The following ITIH5 variants were observed in gnomAD, a reference collection of about 807,000 sequenced individuals.
The protein encoded by ITIH5 is inter-alpha-trypsin inhibitor heavy chain H5.
In ITIH5, 65 loss-of-function variants were observed where a neutral mutation model predicts 77.5. The ratio of observed to expected loss-of-function variants is 0.84; its 90% CI spans 0.69 to 1.03. The LOEUF (loss-of-function observed/expected upper bound fraction) is 1.03, where lower values mean the gene tolerates loss of function less well. Among genes scored for constraint, ITIH5 ranks in the 50% least tolerant of loss-of-function variants. The pLI is 0.00. For missense variants in ITIH5, 1,208 were observed against 1,213.1 expected (o/e 1.00, Z 0.06); for synonymous variants, 525 against 494.3 (o/e 1.06, Z -0.82).
chr10:7,616,414 T>C (rs572080623), intron 6 of ITIH5, among the ~76,000 whole-genome samples: 75 of 152,250 alleles, frequency 4.9e-4, no homozygotes, highest in African/African-American at 1.7e-3. Context: ...TTACCAAGCA[T>C]CTTACAAGTT....
intron 2 of ITIH5, among the ~76,000 whole-genome samples, chr10:7,650,437 T>C (rs1834079008): frequency 6.6e-6 from 1 of 152,146 alleles, no homozygotes; most frequent in Non-Finnish European, 1.5e-5. Flanking sequence ...TTCTCCTTTC[T>C]GAGAAAAACA....
chr10:7,594,820 G>A (rs1023534307), intron 7 of ITIH5, among the ~76,000 whole-genome samples: 19 of 152,266 alleles, frequency 1.2e-4, no homozygotes, highest in Admixed American at 2.0e-4. Context: ...GGAGAGTGGC[G>A]GATCAGGAAG....
intron 11 of ITIH5, chr10:7,572,697 T>G (rs1008699454): frequency 4.1e-6 from 1 of 244,950 alleles, no homozygotes; most frequent in African/African-American, 2.3e-5. Flanking sequence ...AGGCTCTGCC[T>G]CACACTGTGG....
chr10:7,634,100 A>G (rs2131068425), intron 5 of ITIH5, among the ~76,000 whole-genome samples: 1 of 151,700 alleles, frequency 6.6e-6, no homozygotes, highest in South Asian at 2.1e-4. Flanking sequence ...AAAAAAAAAA[A>G]AAAAAAAAAG....
intron 7 of ITIH5, among the ~76,000 whole-genome samples, chr10:7,586,616 G>T (rs11255209): frequency 6.6e-6 from 1 of 151,912 alleles, no homozygotes; most frequent in Non-Finnish European, 1.5e-5. Context: ...CTTCCTAACA[G>T]CTAGTGACAA....
chr10:7,587,160 G>C (rs1832696211), intron 7 of ITIH5, among the ~76,000 whole-genome samples: 1 of 152,164 alleles, frequency 6.6e-6, no homozygotes. Context: ...AAGGAAGGCA[G>C]TTTGAGCAAA....
At chr10:7,644,700 C>CATA (rs1233717363) in intron 2 of ITIH5, among the ~76,000 whole-genome samples, 7 of 111,004 alleles carry the variant, frequency 6.3e-5, no homozygotes, top group South Asian at 2.6e-4. Flanking sequence ...TATCACATAT[C>CATA]TATATCACAT....
chr10:7,587,708 T>C (rs1028395836), intron 7 of ITIH5, among the ~76,000 whole-genome samples: 1 of 152,230 alleles, frequency 6.6e-6, no homozygotes, highest in African/African-American at 2.4e-5. Flanking sequence ...TAGATGGGTT[T>C]GCTGTTACTT....
Position 7,637,323 on chromosome 10 carries a change from C to A in ITIH5, c.557G>T (p.Ser186Ile). Reference protein sequence around the residue: ...VRPQQLSGRLSVDVNILESAG... With the variant: ...VRPQQLSGRLIVDVNILESAG... ...GCTCTCCAGGATATTCACGTCCACG[C>A]TCAGCCTCCCGGACAGCTGCTGGGG... The change falls in exon 5 of 14, where the codon AGC becomes ATC. Residue 186 changes from serine (S) to isoleucine (I), a missense_variant. Physicochemically the swap from Ser to Ile is moderately radical, Grantham distance 142. Transcript: ENST00000397146. The A allele has an allele frequency of 6.2e-7, 1 of 1,614,064 alleles. No homozygotes were observed. Among genetic ancestry groups the A allele is most frequent in the Non-Finnish European group, 8.5e-7 (1 of 1,180,040 alleles).
chr10:7,576,875 A>T lies in ITIH5; in HGVS notation c.1556T>A (p.Val519Glu), dbSNP rs972602163. The T allele has an allele frequency of 6.2e-7, 1 of 1,613,948 alleles. No individual in the cohort carries two copies. Among genetic ancestry groups the T allele is most frequent in the Non-Finnish European group, 8.5e-7 (1 of 1,179,992 alleles). ...GTGCAGGTGATCCAGCTTCCTGTCC[A>T]CCAGCTTCCCCGCAATGATGATCTC... The part of the protein sequence containing the change: ...GSEIIIAGKL[V>E]DRKLDHLHVE... The change falls in exon 10 of 14, where the codon GTG becomes GAG. Residue 519 changes from valine to glutamate, a missense_variant. Coordinates refer to ENST00000397146, the MANE Select transcript of ITIH5 (RefSeq NM_030569.7).
rs767289412 is a variant in ITIH5, at chr10:7,642,126, G to T, written c.136-36C>A. The T allele has an allele frequency of 1.5e-5, 23 of 1,537,464 alleles. 1 individual carries two copies. Among genetic ancestry groups the T allele is most frequent in the Middle Eastern group, 3.4e-4 (2 of 5,816 alleles). On this transcript the variant is annotated intron_variant, in intron 2 of 13. Transcript: ENST00000397146. ...GAAAACACACAGTATCATCGGTGAT[G>T]CATGAAAGCATTTTGGTGGTAGTGG...
chr10:7,587,212 AACAGGTATAC>A (rs1832697457), intron 7 of ITIH5, among the ~76,000 whole-genome samples: 1 of 152,192 alleles, frequency 6.6e-6, no homozygotes, highest in African/African-American at 2.4e-5. Flanking sequence ...GCTCAGTGAT[AACAGGTATAC>A]ACTAAAATCA....
At chr10:7,589,757 A>G (rs1394299132) in intron 7 of ITIH5, among the ~76,000 whole-genome samples, 5 of 151,948 alleles carry the variant, frequency 3.3e-5, no homozygotes. Flanking sequence ...GAAATACGTC[A>G]AAGTATCCCA....
intron 5 of ITIH5, among the ~76,000 whole-genome samples, chr10:7,628,368 C>A (rs1833621064): frequency 6.6e-6 from 1 of 152,242 alleles, no homozygotes; most frequent in Non-Finnish European, 1.5e-5. Context: ...TAAATGGAAT[C>A]ATACACATGT....
In ITIH5 at chr10:7,666,868, G is replaced by A; in HGVS notation, c.25C>T (p.Leu9=). The change falls in exon 1 of 14, where the codon CTG becomes TTG. Residue 9 remains leucine, a synonymous_variant. Transcript: ENST00000397146. ...GACCCCACACACAGGGACAGCCCCA[G>A]GCACAGCCCCAGCAGCAGGAGCATG... The part of the protein sequence containing the change: MLLLLGLC[L]GLSLCVGSQE... 1 of 1,599,620 alleles carries A rather than the reference G, an allele frequency of 6.3e-7. No individual in the cohort carries two copies. The highest frequency in any genetic ancestry group is 8.5e-7 in the Non-Finnish European group (1 of 1,174,448).
chr10:7,637,292 G>A lies in ITIH5; in HGVS notation c.588C>T (p.Gly196=), dbSNP rs748181935. ...SVDVNILESA[G]IASLEVLPLH... ...GCGGCAGCACCTCCAGGGATGCGATGCCCGCGCTCTCCAGGATATTCACGT... is the reference window on the plus strand; with the variant it reads ...GCGGCAGCACCTCCAGGGATGCGATACCCGCGCTCTCCAGGATATTCACGT... The change falls in exon 5 of 14, where the codon GGC becomes GGT. Residue 196 remains glycine, a synonymous_variant. Coordinates refer to ENST00000397146, the MANE Select transcript of ITIH5 (RefSeq NM_030569.7). 6.2e-7 allele frequency: 1 copy of A among 1,612,854 alleles called. No homozygotes were observed. Among genetic ancestry groups the A allele is most frequent in the South Asian group, 1.1e-5 (1 of 91,070 alleles).
chr10:7,578,066 G>C (rs925479791), intron 9 of ITIH5, among the ~76,000 whole-genome samples: 1 of 152,064 alleles, frequency 6.6e-6, no homozygotes, highest in Non-Finnish European at 1.5e-5. Context: ...CCTTTTTGCG[G>C]CTAGAAAACA....
chr10:7,579,566 G>T (rs1832496749), intron 9 of ITIH5, among the ~76,000 whole-genome samples, 189 bp downstream of exon 9: 1 of 152,014 alleles, frequency 6.6e-6, no homozygotes, highest in Non-Finnish European at 1.5e-5. Flanking sequence ...CATAAAGGAG[G>T]ATCAGAATTC....
intron 7 of ITIH5, among the ~76,000 whole-genome samples, chr10:7,606,570 A>G (rs1178580470): frequency 6.6e-6 from 1 of 152,172 alleles, no homozygotes; most frequent in African/African-American, 2.4e-5. Context: ...CATGGACACG[A>G]AGAAGTGAAC....
Sources: gnomAD v4.1 joint callset for allele counts (sites outside exome capture counted in the v4.1 genomes callset) on GRCh38, gnomAD v4.1.1 for gene constraint, MANE v1.5 for transcripts, NCBI Gene and HGNC (gene_info 2026-07-23, HGNC 2026-07-21) for gene names.